The following ZBTB16 variants were observed in gnomAD, a reference collection of about 807,000 sequenced individuals.
The protein encoded by ZBTB16 is zinc finger and BTB domain containing 16, also known as zinc finger and BTB domain-containing protein 16.
ZBTB16 carries 8 observed loss-of-function variants against 56.8 expected under a neutral mutation model. That is an observed-to-expected ratio of 0.14 (90% CI 0.08 to 0.25). ZBTB16 has a LOEUF of 0.25. Ranked by LOEUF, ZBTB16 falls within the 10% of genes least tolerant of loss-of-function variation. ZBTB16 has a pLI of 1.00. For synonymous variants in ZBTB16, 363 were observed against 368.5 expected (o/e 0.98, Z 0.17); for missense variants, 625 against 903.0 (o/e 0.69, Z 3.95).
rs1942753533 is a variant in ZBTB16 at position 114,166,235 on chromosome 11, TG to T, written c.1366+9802del. 6.0e-5 allele frequency among the ~76,000 whole-genome samples: 9 copies of T among 149,132 alleles called. 1 individual carries two copies. In the Middle Eastern group the frequency reaches 0.024, roughly 397 times the overall value. ...GTGTGTGTGTGTGTGTGTGTGTGTG[TG>T]TGTGTGTGTGTAACCATGAGGGAGA... On this transcript the variant is annotated intron_variant, in intron 3 of 6. Transcript: ENST00000335953.
At chr11:114,163,328 A>G (rs1283016690) in intron 3 of ZBTB16, among the ~76,000 whole-genome samples, 2 of 151,736 alleles carry the variant, frequency 1.3e-5, no homozygotes, top group African/African-American at 4.8e-5. Context: ...ATTCACAGCC[A>G]GAGTATTTTT....
intron 2 of ZBTB16, among the ~76,000 whole-genome samples, chr11:114,074,964 G>T (rs1939492234): frequency 1.3e-5 from 2 of 152,160 alleles, no homozygotes; most frequent in Non-Finnish European, 2.9e-5. Flanking sequence ...TTCCATGCCT[G>T]GACGGCTGTG....
chr11:114,095,954 A>G (rs969492280), intron 2 of ZBTB16, among the ~76,000 whole-genome samples: 1 of 152,180 alleles, frequency 6.6e-6, no homozygotes, highest in Admixed American at 6.5e-5. Flanking sequence ...CTCTCCCTGT[A>G]GGCTATAATT....
chr11:114,110,545 C>A (rs536314054), intron 2 of ZBTB16, among the ~76,000 whole-genome samples: 37 of 152,238 alleles, frequency 2.4e-4, no homozygotes, highest in African/African-American at 8.4e-4. Context: ...CCAGTGAGAC[C>A]TCGGGAATAG....
Position 114,253,463 on chromosome 11 carries a change from G to A in ZBTB16, c.*2908G>A, listed in dbSNP as rs766769969. On this transcript the variant is annotated 3_prime_UTR_variant, in exon 7 of 7. Transcript: ENST00000335953. ...AATATCCCTTTGTACATGTATGTGCGTGTGCGCGTGTGCTTTGTGTGTGTG... is the reference window on the plus strand; with the variant it reads ...AATATCCCTTTGTACATGTATGTGCATGTGCGCGTGTGCTTTGTGTGTGTG... Among the ~76,000 whole-genome samples, 56 of 152,196 alleles carry A rather than the reference G, an allele frequency of 3.7e-4. No individual in the cohort carries two copies. Among genetic ancestry groups the A allele is most frequent in the African/African-American group, 5.1e-4 (21 of 41,456 alleles).
intron 2 of ZBTB16, among the ~76,000 whole-genome samples, chr11:114,084,926 G>A (rs974166408): frequency 3.3e-5 from 5 of 152,208 alleles, no homozygotes; most frequent in African/African-American, 7.2e-5. Flanking sequence ...GCCTTAGTGG[G>A]CAGAGTCTAG....
chr11:114,207,590 A>AACACACACACACACACAC (rs66489516), intron 4 of ZBTB16, among the ~76,000 whole-genome samples: 30 of 143,722 alleles, frequency 2.1e-4, no homozygotes, highest in African/African-American at 6.2e-4. Context: ...ACACACACAC[A>AACACACACACACACACAC]ACACACACAC....
intron 2 of ZBTB16, among the ~76,000 whole-genome samples, chr11:114,091,398 C>G (rs1222329998): frequency 6.6e-6 from 1 of 151,784 alleles, no homozygotes. Context: ...TCTTTCCCTT[C>G]CTCTCCTCCA....
At chr11:114,187,131 A>G in intron 4 of ZBTB16, 93 bp downstream of exon 4, 4 of 1,220,254 alleles carry the variant, frequency 3.3e-6, no homozygotes, top group Non-Finnish European at 4.8e-6. Flanking sequence ...TTTTTAGCAA[A>G]TGTGACATCC....
rs531066317 is a variant in ZBTB16, at chr11:114,143,713, G to A, written c.1269-12624G>A. On this transcript the variant is annotated intron_variant, in intron 2 of 6. Transcript: ENST00000335953. The surrounding 1 kb of genome is among the most constrained non-coding windows in gnomAD (Gnocchi z 6.4). ...TCTCTTCTCCTCCATGCCATGGACC[G>A]TCGCTGCATCATCTAAGCACAGGGC... 4.2e-4 allele frequency among the ~76,000 whole-genome samples: 64 copies of A among 152,326 alleles called. No individual in the cohort carries two copies. Among genetic ancestry groups the A allele is most frequent in the Admixed American group, 9.8e-4 (15 of 15,298 alleles).
intron 4 of ZBTB16, among the ~76,000 whole-genome samples, chr11:114,228,581 C>G (rs942896589): frequency 1.3e-5 from 2 of 152,328 alleles, no homozygotes; most frequent in African/African-American, 4.8e-5. Flanking sequence ...TGAGCTCACT[C>G]CCCTTTTCTG....
At chr11:114,209,633 G>T in intron 4 of ZBTB16, 1 of 985,394 alleles carries the variant, frequency 1.0e-6, no homozygotes, top group Non-Finnish European at 1.2e-6. Context: ...CCTTAGGGTG[G>T]TGACTATTCC....
intron 2 of ZBTB16, among the ~76,000 whole-genome samples, chr11:114,072,848 C>A (rs892733906): frequency 2.0e-5 from 3 of 151,830 alleles, no homozygotes; most frequent in African/African-American, 7.3e-5. Context: ...GTCAGGAGAT[C>A]GAGACCATCC....
chr11:114,253,219 C>T lies in ZBTB16; in HGVS notation c.*2664C>T, dbSNP rs1452766176. On this transcript the variant is annotated 3_prime_UTR_variant, in exon 7 of 7. Transcript: ENST00000335953. Reference sequence around the variant, plus strand: ...GGAAGAGAAAAAAATCAAACTATTCCATAGAACTAGCTGGCCCCCTCACTC... The same window carrying T: ...GGAAGAGAAAAAAATCAAACTATTCTATAGAACTAGCTGGCCCCCTCACTC... 6.6e-6 allele frequency among the ~76,000 whole-genome samples: 1 copy of T among 152,120 alleles called. No individual in the cohort carries two copies. Among genetic ancestry groups the T allele is most frequent in the African/African-American group, 2.4e-5 (1 of 41,432 alleles).
chr11:114,063,195 C>T lies in ZBTB16; in HGVS notation c.-90-16C>T. On this transcript the variant is annotated splice_polypyrimidine_tract_variant and intron_variant, in intron 1 of 6. Transcript: ENST00000335953. The surrounding 1 kb of genome is among the most constrained non-coding windows in gnomAD (Gnocchi z 6.5). ...TCTCTCATCTCTTTTGCTTCTTCCC[C>T]TCTTCTTTCTCCTAGCCTCCTCTAT... 2 of 1,284,766 alleles carry T rather than the reference C, an allele frequency of 1.6e-6. No individual in the cohort carries two copies. Among genetic ancestry groups the T allele is most frequent in the South Asian group, 1.3e-5 (1 of 78,672 alleles). The allele number at this position is 1,284,766 out of a possible 1,614,324, so 79.6% of individuals were successfully genotyped here.
intron 2 of ZBTB16, among the ~76,000 whole-genome samples, chr11:114,125,999 T>C (rs1375098045): frequency 6.6e-6 from 1 of 152,162 alleles, no homozygotes; most frequent in Non-Finnish European, 1.5e-5. Flanking sequence ...TGTCCTTATT[T>C]GTAAAAGGAG....
chr11:114,195,076 A>T (rs1943574951), intron 4 of ZBTB16, among the ~76,000 whole-genome samples: 1 of 152,196 alleles, frequency 6.6e-6, no homozygotes, highest in African/African-American at 2.4e-5. Flanking sequence ...ACTAATTAGG[A>T]GTGGGTTTTA....
intron 2 of ZBTB16, among the ~76,000 whole-genome samples, chr11:114,082,108 G>A (rs1188643631): frequency 7.5e-5 from 5 of 67,060 alleles, no homozygotes; most frequent in African/African-American, 1.2e-4. Context: ...ATAGCGAGAC[G>A]ATCTTTACAA....
chr11:114,210,188 T>C lies in ZBTB16; in HGVS notation c.1453+23150T>C, dbSNP rs1251997865. Among the ~76,000 whole-genome samples, 125 of 144,088 alleles carry C rather than the reference T, an allele frequency of 8.7e-4. 2 individuals are homozygous for C. Among genetic ancestry groups the C allele is most frequent in the African/African-American group, 2.9e-3 (114 of 38,694 alleles). The allele number at this position is 144,088 out of a possible 152,430, so 94.5% of individuals were successfully genotyped here. A position where few individuals can be genotyped will look rare whatever the true frequency, so the allele number is the denominator to read the frequency against. ...GTGTGTGTGTGTGTGTGTGTGTGTGTGTGTGCGTGCGCGCGCGTGCACAGT... is the reference window on the plus strand; with the variant it reads ...GTGTGTGTGTGTGTGTGTGTGTGTGCGTGTGCGTGCGCGCGCGTGCACAGT... On this transcript the variant is annotated intron_variant, in intron 4 of 6. Transcript: ENST00000335953.
Sources: gnomAD v4.1 joint callset for allele counts (sites outside exome capture counted in the v4.1 genomes callset) on GRCh38, gnomAD v4.1.1 for gene constraint, Gnocchi (gnomAD v3.1) non-coding constraint, MANE v1.5 for transcripts, NCBI Gene and HGNC (gene_info 2026-07-23, HGNC 2026-07-21) for gene names.